The following USP28 variants were observed in gnomAD, a reference collection of about 807,000 sequenced individuals.
The protein encoded by USP28 is ubiquitin carboxyl-terminal hydrolase 28.
USP28 carries 113 observed loss-of-function variants against 145.0 expected under a neutral mutation model. The ratio of observed to expected loss-of-function variants is 0.78; its 90% CI spans 0.67 to 0.91. USP28 has a LOEUF of 0.91. Among genes scored for constraint, USP28 ranks in the 40% least tolerant of loss-of-function variants. The pLI is 0.00. For synonymous variants in USP28, 447 were observed against 450.9 expected (o/e 0.99, Z 0.11); for missense variants, 1,201 against 1,289.6 (o/e 0.93, Z 1.05).
intron 1 of USP28, among the ~76,000 whole-genome samples, chr11:113,866,899 C>T (rs527517262): frequency 1.6e-4 from 25 of 152,198 alleles, no homozygotes; most frequent in African/African-American, 5.8e-4. Flanking sequence ...CTCAAATGTC[C>T]GTCAATGGAA....
chr11:113,830,021 G>A (rs1943813682), intron 9 of USP28, among the ~76,000 whole-genome samples: 2 of 152,082 alleles, frequency 1.3e-5, no homozygotes, highest in African/African-American at 4.8e-5. Context: ...TGTTAAATAT[G>A]TATCAGAGGA....
At chr11:113,825,346 T>A (rs1319531417) in intron 11 of USP28, among the ~76,000 whole-genome samples, 1 of 152,190 alleles carries the variant, frequency 6.6e-6, no homozygotes, top group Non-Finnish European at 1.5e-5. Flanking sequence ...GAAACACTTA[T>A]AATTCCAAGC....
At chr11:113,801,759 T>C in intron 23 of USP28, 81 bp from the exon 25 acceptor site, 1 of 1,228,810 alleles carries the variant, frequency 8.1e-7, no homozygotes, top group Non-Finnish European at 1.1e-6. Flanking sequence ...AACAAGTGGT[T>C]CCCAAACTTT....
Position 113,803,244 on chromosome 11 carries a change from G to A in USP28, c.2776C>T (p.Gln926Ter). Residue 926 changes from glutamine to a stop codon, truncating the protein, a stop_gained, in exon 23 of 25, where the codon CAG (glutamine) becomes TAG (stop). Transcript: ENST00000003302. LOFTEE classifies it high-confidence loss of function. ...TTCATCAGCAGGGCAGCATTGCTCT[G>A]GTAGGCATATACCAGGTAGGAAAGT... 2 of 1,613,938 alleles carry A rather than the reference G, an allele frequency of 1.2e-6. No homozygotes were observed. Among genetic ancestry groups the A allele is most frequent in the Non-Finnish European group, 1.7e-6 (2 of 1,179,940 alleles).
chr11:113,815,720 C>T lies in USP28; in HGVS notation c.1464-338G>A, dbSNP rs370314082. 1.6e-4 allele frequency among the ~76,000 whole-genome samples: 25 copies of T among 152,232 alleles called. No homozygotes were observed. In the East Asian group the frequency reaches 3.1e-3, roughly 19 times the overall value. ...TCATGTTCTCTGATCACTGATTATT[C>T]CTTCCCATGAGGATGGGAAGAGAAG... On this transcript the variant is annotated intron_variant, in intron 13 of 24. Transcript: ENST00000003302.
chr11:113,838,947 G>A (rs1476495883), intron 5 of USP28, among the ~76,000 whole-genome samples: 2 of 152,232 alleles, frequency 1.3e-5, no homozygotes, highest in African/African-American at 4.8e-5. Context: ...GAAGACTGCT[G>A]TGGTGAGCAC....
intron 16 of USP28, among the ~76,000 whole-genome samples, chr11:113,810,282 C>T (rs1940765191): frequency 6.6e-6 from 1 of 152,124 alleles, no homozygotes; most frequent in Non-Finnish European, 1.5e-5. Flanking sequence ...CAATTTGATA[C>T]AATGGTGAAA....
At chr11:113,852,400 T>G in intron 3 of USP28, 101 bp downstream of exon 3, 1 of 1,463,110 alleles carries the variant, frequency 6.8e-7, no homozygotes, top group South Asian at 1.3e-5. Context: ...ATTACTATTA[T>G]TTTCAAAGGG....
At chr11:113,830,770 A>T in intron 9 of USP28, 97 bp downstream of exon 9, 1 of 1,128,188 alleles carries the variant, frequency 8.9e-7, no homozygotes, top group Admixed American at 1.9e-5. Flanking sequence ...AGTACTGCTG[A>T]CTCTCAAGCC....
intron 1 of USP28, among the ~76,000 whole-genome samples, chr11:113,868,824 G>C (rs1201015096): frequency 6.6e-6 from 1 of 151,414 alleles, no homozygotes; most frequent in Admixed American, 6.6e-5. Flanking sequence ...TCTGTAGGCT[G>C]AGGTAGGAGA....
intron 5 of USP28, among the ~76,000 whole-genome samples, chr11:113,837,976 AGCT>A (rs1591344432): frequency 6.6e-6 from 1 of 152,076 alleles, no homozygotes; most frequent in East Asian, 1.9e-4. Flanking sequence ...CTCAAAAAAT[AGCT>A]GCTAATTTCA....
chr11:113,826,545 T>C (rs1943357819), intron 11 of USP28, among the ~76,000 whole-genome samples: 1 of 151,588 alleles, frequency 6.6e-6, no homozygotes, highest in Non-Finnish European at 1.5e-5. Flanking sequence ...GCGCTCAAGA[T>C]ATCTGCCCTC....
intron 13 of USP28, among the ~76,000 whole-genome samples, chr11:113,815,804 C>T (rs1283598066): frequency 6.6e-6 from 1 of 152,084 alleles, no homozygotes; most frequent in Non-Finnish European, 1.5e-5. Flanking sequence ...ACAGAGTTTA[C>T]AAGATGAAGC....
intron 7 of USP28, among the ~76,000 whole-genome samples, chr11:113,833,202 T>G (rs1210880685): frequency 6.6e-6 from 1 of 152,174 alleles, no homozygotes; most frequent in Admixed American, 6.5e-5. Context: ...CTTCTTCTCT[T>G]TAGAACTGCC....
intron 15 of USP28, 37 bp downstream of exon 15, chr11:113,813,848 C>T (rs760074526): frequency 1.3e-6 from 2 of 1,552,816 alleles, no homozygotes; most frequent in Non-Finnish European, 8.9e-7. Flanking sequence ...ACCATTAGCA[C>T]ATGCCTTGAC....
In USP28 at chr11:113,815,849, T is replaced by C. The variant is rs974289156; in HGVS notation, c.1464-467A>G. Among the ~76,000 whole-genome samples the C allele has an allele frequency of 2.0e-5, 3 of 151,836 alleles. No homozygotes were observed. The South Asian group carries it at 6.2e-4, about 32-fold the overall frequency. On this transcript the variant is annotated intron_variant, in intron 13 of 24. Transcript: ENST00000003302. ...TGACACTATCCTTCCTGGAACAAAATACACAGAAGGAAGAAAAAGGAAGCA... is the reference window on the plus strand; with the variant it reads ...TGACACTATCCTTCCTGGAACAAAACACACAGAAGGAAGAAAAAGGAAGCA...
At chr11:113,848,583 A>T (rs896452282) in intron 3 of USP28, among the ~76,000 whole-genome samples, 1 of 152,234 alleles carries the variant, frequency 6.6e-6, no homozygotes, top group African/African-American at 2.4e-5. Flanking sequence ...GGCTATACTT[A>T]GGAAAGTAAG....
At chr11:113,837,471 G>A (rs1293655504) in intron 5 of USP28, among the ~76,000 whole-genome samples, 5 of 152,292 alleles carry the variant, frequency 3.3e-5, no homozygotes, top group South Asian at 2.1e-4. Flanking sequence ...GTGTCAGTTC[G>A]CAGATTACAC....
intron 1 of USP28, among the ~76,000 whole-genome samples, chr11:113,869,988 C>A (rs1199859121): frequency 6.6e-6 from 1 of 151,838 alleles, no homozygotes; most frequent in Non-Finnish European, 1.5e-5. Context: ...CATGGAGAAA[C>A]CCTGTCTCTA....
Sources: allele counts gnomAD v4.1 joint callset (sites outside exome capture counted in the v4.1 genomes callset), GRCh38; gene constraint gnomAD v4.1.1; transcripts MANE v1.5; gene names NCBI Gene and HGNC (gene_info 2026-07-23, HGNC 2026-07-21).